GRM5: variants seen among roughly 807,000 people sequenced by gnomAD.
GRM5 encodes metabotropic glutamate receptor 5.
In GRM5, 19 loss-of-function variants were observed where a neutral mutation model predicts 83.1. The ratio of observed to expected loss-of-function variants is 0.23; its 90% CI spans 0.16 to 0.34. The LOEUF (loss-of-function observed/expected upper bound fraction) is 0.34. GRM5 is among the 10% of genes least tolerant of loss of function. GRM5 has a pLI of 1.00. For synonymous variants in GRM5, 675 were observed against 633.6 expected (o/e 1.07, Z -0.98); for missense variants, 1,160 against 1,588.3 (o/e 0.73, Z 4.58).
chr11:88,726,846 T>C (rs553798031), intron 3 of GRM5, among the ~76,000 whole-genome samples: 1 of 152,270 alleles, frequency 6.6e-6, no homozygotes, highest in South Asian at 2.1e-4. Flanking sequence ...TGCTGAGAGA[T>C]GTTGTCATCA....
intron 2 of GRM5, among the ~76,000 whole-genome samples, chr11:89,002,293 T>C (rs1311060349): frequency 1.3e-5 from 2 of 152,140 alleles, no homozygotes; most frequent in Admixed American, 1.3e-4. Flanking sequence ...GTGTAAGTTA[T>C]TTGCATCAAG....
At chr11:88,524,359 A>T (rs1941807469) in intron 9 of GRM5, among the ~76,000 whole-genome samples, 1 of 151,804 alleles carries the variant, frequency 6.6e-6, no homozygotes, top group Non-Finnish European at 1.5e-5. Context: ...CTGGAATTAC[A>T]AGCGTGTGCC....
Position 88,505,184 on chromosome 11 carries a change from G to A in GRM5, c.*3408C>T, listed in dbSNP as rs2135064186. On this transcript the variant is annotated 3_prime_UTR_variant, in exon 10 of 10. Transcript: ENST00000305447. ...TTTCACTGATCTGTATTTTTTCACA[G>A]TATAAAATTGTAAATGGTAACTATA... 6.6e-6 allele frequency: 1 copy of A among 152,238 alleles called. No homozygotes were observed. The highest frequency in any genetic ancestry group is 1.5e-5 in the Non-Finnish European group (1 of 68,000). The allele number at this position is 152,238 out of a possible 1,614,324, so 9.4% of individuals were successfully genotyped here.
chr11:88,828,995 C>T (rs574375327), intron 3 of GRM5, among the ~76,000 whole-genome samples: 1 of 151,352 alleles, frequency 6.6e-6, no homozygotes, highest in South Asian at 2.1e-4. Context: ...AAAATTTCAG[C>T]CCTCTAAATA....
chr11:88,919,102 C>G (rs1478572447), intron 2 of GRM5, among the ~76,000 whole-genome samples: 6 of 148,456 alleles, frequency 4.0e-5, no homozygotes, highest in Non-Finnish European at 7.5e-5. Flanking sequence ...AATAGAGTGG[C>G]TGAATGCATT....
At chr11:88,551,934 C>G (rs188736) in intron 8 of GRM5, among the ~76,000 whole-genome samples, 68,577 of 151,998 alleles carry the variant, frequency 0.45, 18,441 homozygotes, top group African/African-American at 0.76. Context: ...TTTAGGCAAG[C>G]CTTCTTCTAT....
At chr11:89,049,769 T>C (rs1425298769) in intron 1 of GRM5, among the ~76,000 whole-genome samples, 1 of 152,172 alleles carries the variant, frequency 6.6e-6, no homozygotes, top group Non-Finnish European at 1.5e-5. Flanking sequence ...AAAAAATAGT[T>C]TTGGTACAAA....
At chr11:88,607,742 T>C (rs1199052190) in intron 4 of GRM5, among the ~76,000 whole-genome samples, 1 of 152,208 alleles carries the variant, frequency 6.6e-6, no homozygotes. Flanking sequence ...TCTTCAAACA[T>C]GCTAGGCATG....
At chr11:88,813,878 C>A (rs1943626499) in intron 3 of GRM5, among the ~76,000 whole-genome samples, 1 of 151,824 alleles carries the variant, frequency 6.6e-6, no homozygotes. Flanking sequence ...CTTTTTATTT[C>A]ATCTCATTTG....
chr11:88,753,350 G>A (rs1591489896), intron 3 of GRM5, among the ~76,000 whole-genome samples: 1 of 149,962 alleles, frequency 6.7e-6, no homozygotes, highest in Admixed American at 6.6e-5. Flanking sequence ...TATGAAAAAA[G>A]CTCAGTATTA....
chr11:88,715,847 A>G (rs1941388587), intron 3 of GRM5, among the ~76,000 whole-genome samples: 1 of 152,020 alleles, frequency 6.6e-6, no homozygotes, highest in Non-Finnish European at 1.5e-5. Context: ...ACCTGGTTGT[A>G]TATAAGAATA....
At chr11:88,905,280 A>G (rs1236626447) in intron 2 of GRM5, among the ~76,000 whole-genome samples, 1 of 152,190 alleles carries the variant, frequency 6.6e-6, no homozygotes, top group African/African-American at 2.4e-5. Context: ...GCCAAAGAGC[A>G]AAAGATAGGC....
chr11:88,704,328 A>G (rs1420649254), intron 3 of GRM5, among the ~76,000 whole-genome samples: 4 of 152,114 alleles, frequency 2.6e-5, no homozygotes, highest in African/African-American at 9.6e-5. Flanking sequence ...ACCTTGCCCC[A>G]AGTTAGGTGG....
At position 88,643,765 on chromosome 11, in the gene GRM5, T is replaced by C. The variant is rs541391102; in HGVS notation, c.1147+9403A>G. On this transcript the variant is annotated intron_variant, in intron 4 of 9. Transcript: ENST00000305447. Reference sequence around the variant, plus strand: ...GCAATTCTTTTCTTTCAGTAGATTTTTTTTTATTTTCCCCAGTCATATTTT... The same window carrying C: ...GCAATTCTTTTCTTTCAGTAGATTTCTTTTTATTTTCCCCAGTCATATTTT... 3.8e-3 allele frequency among the ~76,000 whole-genome samples: 574 copies of C among 152,350 alleles called. 1 individual carries two copies. The highest frequency in any genetic ancestry group is 0.013 in the African/African-American group (560 of 41,598).
intron 4 of GRM5, among the ~76,000 whole-genome samples, chr11:88,628,893 T>C (rs568035474): frequency 6.6e-6 from 1 of 152,302 alleles, no homozygotes; most frequent in South Asian, 2.1e-4. Context: ...GGATCCCTTT[T>C]TTTCTAGTCA....
chr11:88,873,402 G>C lies in GRM5; in HGVS notation c.662-23247C>G, dbSNP rs181303378. Among the ~76,000 whole-genome samples, 315 of 151,624 alleles carry C rather than the reference G, an allele frequency of 2.1e-3. 1 individual carries two copies. Among genetic ancestry groups the C allele is most frequent in the African/African-American group, 6.9e-3 (285 of 41,460 alleles). On this transcript the variant is annotated intron_variant, in intron 2 of 9. Coordinates refer to ENST00000305447, the MANE Select transcript of GRM5 (RefSeq NM_001143831.3). Reference sequence around the variant, plus strand: ...CAGAAATATTCACGTAACAGCCTCAGAATATGTATTTTTCTCAGCAGCACA... The same window carrying C: ...CAGAAATATTCACGTAACAGCCTCACAATATGTATTTTTCTCAGCAGCACA...
intron 4 of GRM5, among the ~76,000 whole-genome samples, chr11:88,641,549 T>C (rs768474712): frequency 6.6e-6 from 1 of 152,244 alleles, no homozygotes; most frequent in East Asian, 1.9e-4. Context: ...CTTACACCTA[T>C]GAACCTGTAA....
At chr11:88,560,131 G>C (rs772989274) in intron 8 of GRM5, among the ~76,000 whole-genome samples, 1 of 152,042 alleles carries the variant, frequency 6.6e-6, no homozygotes, top group Non-Finnish European at 1.5e-5. Flanking sequence ...GCTAGCTAAG[G>C]GTGAAGGAGT....
At chr11:88,624,681 G>A (rs549219790) in intron 4 of GRM5, among the ~76,000 whole-genome samples, 1 of 152,226 alleles carries the variant, frequency 6.6e-6, no homozygotes, top group East Asian at 1.9e-4. Flanking sequence ...GACCCTGTCT[G>A]TAAAGAATAA....
Sources: allele counts gnomAD v4.1 joint callset (sites outside exome capture counted in the v4.1 genomes callset), GRCh38; gene constraint gnomAD v4.1.1; transcripts MANE v1.5; gene names NCBI Gene and HGNC (gene_info 2026-07-23, HGNC 2026-07-21).